DLGAP3: variants seen among roughly 807,000 people sequenced by gnomAD.
DLGAP3 encodes the protein DLG associated protein 3, also known as disks large-associated protein 3.
DLGAP3 carries 17 observed loss-of-function variants against 81.2 expected under a neutral mutation model. The ratio of observed to expected loss-of-function variants is 0.21; its 90% confidence interval spans 0.14 to 0.31. DLGAP3 has a LOEUF of 0.31. Ranked by LOEUF, DLGAP3 falls within the 10% of genes least tolerant of loss-of-function variation. The pLI is 1.00. For missense variants in DLGAP3, 1,124 were observed against 1,388.0 expected (o/e 0.81, Z 3.02); for synonymous variants, 577 against 587.4 (o/e 0.98, Z 0.26).
intron 1 of DLGAP3, among the ~76,000 whole-genome samples, chr1:34,925,684 G>A (rs1325418044): frequency 6.6e-6 from 1 of 152,164 alleles, no homozygotes; most frequent in Non-Finnish European, 1.5e-5. Flanking sequence ...AGGAGAGGAT[G>A]AGAAAGAACA....
chr1:34,866,046 A>G lies in DLGAP3; in HGVS notation c.*37T>C. 6.4e-7 allele frequency: 1 copy of G among 1,552,214 alleles called. No individual in the cohort carries two copies. Among genetic ancestry groups the G allele is most frequent in the Non-Finnish European group, 8.7e-7 (1 of 1,148,050 alleles). ...GCTGGGTGTACAGTACGGGTGGAGA[A>G]CCGCGGGCCCGGGCCGGGCTGGGCG... On this transcript the variant is annotated 3_prime_UTR_variant, in exon 12 of 12. Coordinates refer to ENST00000373347, the MANE Select transcript of DLGAP3 (RefSeq NM_001080418.3).
chr1:34,922,539 C>G lies in DLGAP3; in HGVS notation c.-135+6912G>C, dbSNP rs540333104. ...GATAAGCACACCACACACACACACA[C>G]AGACATGCACACATTGGTTTAATTC... On this transcript the variant is annotated intron_variant, in intron 1 of 11. Transcript: ENST00000373347. Among the ~76,000 whole-genome samples, 60 of 152,296 alleles carry G rather than the reference C, an allele frequency of 3.9e-4. 1 individual carries two copies. In the South Asian group the frequency reaches 0.011, roughly 28 times the overall value.
rs754381123 is a variant in DLGAP3, at chr1:34,904,343, G to A, written c.1041C>T (p.Ala347=). The part of the protein sequence containing the change: ...VSQGRDGYPG[A]GPGKGLLGPE... ...GACCCAGGAGCCCCTTGCCTGGCCC[G>A]GCCCCCGGGTATCCATCCCGGCCCT... is the stretch of plus-strand genomic sequence containing the variant. Residue 347 remains alanine (A), a synonymous_variant, in exon 3 of 12, where the codon GCC becomes GCT. Transcript: ENST00000373347. This position sits in a 1 kb window ranked among gnomAD's most constrained non-coding sequence, Gnocchi z 8.1. The A allele has an allele frequency of 1.0e-4, 167 of 1,612,006 alleles. No individual in the cohort carries two copies. The highest frequency in any genetic ancestry group is 1.6e-4 in the Middle Eastern group (1 of 6,084).
At chr1:34,878,034 G>A (rs1050386995) in intron 8 of DLGAP3, among the ~76,000 whole-genome samples, 1 of 152,200 alleles carries the variant, frequency 6.6e-6, no homozygotes, top group East Asian at 1.9e-4. Context: ...GCCAGGCACC[G>A]TGGCTCACTC....
At chr1:34,872,112 T>G (rs1638989623) in intron 8 of DLGAP3, among the ~76,000 whole-genome samples, 1 of 151,546 alleles carries the variant, frequency 6.6e-6, no homozygotes. Context: ...CAGGGGTGGG[T>G]GGAGACGGTG....
At chr1:34,909,743 C>A (rs1405703132) in intron 1 of DLGAP3, among the ~76,000 whole-genome samples, 1 of 152,100 alleles carries the variant, frequency 6.6e-6, no homozygotes, top group East Asian at 1.9e-4. Flanking sequence ...CACTCCATTA[C>A]TAAACAAAAT....
chr1:34,887,359 G>T (rs1220628408), intron 5 of DLGAP3, among the ~76,000 whole-genome samples: 1 of 151,768 alleles, frequency 6.6e-6, no homozygotes, highest in Non-Finnish European at 1.5e-5. Context: ...TGCTGGATGA[G>T]GTTCTGGTTT....
rs138454077 is a variant in DLGAP3, at chr1:34,909,702, A to G, written c.-134-2265T>C. ...TTCCTCCTATATATTATGCTTTATG[A>G]TCACATTCCTCCCCCCACATCACCC... On this transcript the variant is annotated intron_variant, in intron 1 of 11. Coordinates refer to ENST00000373347, the MANE Select transcript of DLGAP3 (RefSeq NM_001080418.3). Among the ~76,000 whole-genome samples, 337 of 152,254 alleles carry G rather than the reference A, an allele frequency of 2.2e-3. 4 individuals carry two copies. The highest frequency in any genetic ancestry group is 0.017 in the Middle Eastern group (5 of 294).
rs1557447738 is a variant in DLGAP3 at position 34,866,167 on chromosome 1, G to A, written c.2856C>T (p.Arg952=). The A allele has an allele frequency of 4.4e-6, 7 of 1,595,738 alleles. No homozygotes were observed. Among genetic ancestry groups the A allele is most frequent in the Non-Finnish European group, 5.9e-6 (7 of 1,177,806 alleles). Residue 952 remains arginine (R), a synonymous_variant, in exon 12 of 12, where the codon CGC becomes CGT. Coordinates refer to ENST00000373347, the MANE Select transcript of DLGAP3 (RefSeq NM_001080418.3). ...EARKRLLAAK[R]AASFRHSSAT... ...CCGAGCTGTGGCGGAAGGAAGCGGC[G>A]CGCTTGGCCGCCAGGAGCCGCTTGC...
At chr1:34,887,017 C>T (rs1379912340) in intron 5 of DLGAP3, among the ~76,000 whole-genome samples, 8 of 136,958 alleles carry the variant, frequency 5.8e-5, no homozygotes, top group East Asian at 2.2e-4. Flanking sequence ...TGCAGTGGCG[C>T]GATCTCGGCT....
intron 5 of DLGAP3, among the ~76,000 whole-genome samples, chr1:34,887,768 G>T (rs1639256691): frequency 6.6e-6 from 1 of 152,230 alleles, no homozygotes; most frequent in Non-Finnish European, 1.5e-5. Context: ...TAGCAGAATG[G>T]CCTGGGAAAG....
At chr1:34,887,096 A>G (rs902077539) in intron 5 of DLGAP3, among the ~76,000 whole-genome samples, 7 of 151,766 alleles carry the variant, frequency 4.6e-5, no homozygotes, top group Admixed American at 3.9e-4. Context: ...CTGGGACTAC[A>G]GGTGCCTGCC....
chr1:34,887,250 C>T (rs1045397736), intron 5 of DLGAP3, among the ~76,000 whole-genome samples: 2 of 151,988 alleles, frequency 1.3e-5, no homozygotes, highest in African/African-American at 2.4e-5. Flanking sequence ...CCACCGCACC[C>T]GGCCCTTGCC....
chr1:34,875,591 C>T (rs774452990), intron 8 of DLGAP3, among the ~76,000 whole-genome samples: 3 of 152,114 alleles, frequency 2.0e-5, no homozygotes, highest in Non-Finnish European at 4.4e-5. Flanking sequence ...GTGGAAGATA[C>T]AGGCAGATCC....
intron 5 of DLGAP3, among the ~76,000 whole-genome samples, chr1:34,899,383 A>C (rs963836783): frequency 6.6e-6 from 1 of 152,112 alleles, no homozygotes; most frequent in Non-Finnish European, 1.5e-5. Flanking sequence ...TACCTTTTAC[A>C]TGGGGGCAAG....
intron 5 of DLGAP3, among the ~76,000 whole-genome samples, chr1:34,897,549 C>T (rs1419890708): frequency 6.6e-6 from 1 of 152,074 alleles, no homozygotes; most frequent in African/African-American, 2.4e-5. Flanking sequence ...TCAGAGGCAG[C>T]TCCACTCCAG....
chr1:34,905,029 G>A lies in DLGAP3; in HGVS notation c.355C>T (p.Pro119Ser). 6.2e-7 allele frequency: 1 copy of A among 1,607,958 alleles called. No individual in the cohort carries two copies. The highest frequency in any genetic ancestry group is 8.5e-7 in the Non-Finnish European group (1 of 1,177,214). ...TTTTCAAACTGATCCAGGAGTGTAG[G>A]AGGCAGGCGGGGGGCACCCTTGCCC... ...PQGKGAPRLP[P>S]TLLDQFEKQL... Residue 119 changes from proline to serine, a missense_variant, in exon 3 of 12, where the codon CCT becomes TCT. Physicochemically the swap from Pro to Ser is moderately conservative, Grantham distance 74. Transcript: ENST00000373347.
chr1:34,909,043 A>G (rs1413463256), intron 1 of DLGAP3, among the ~76,000 whole-genome samples: 1 of 152,222 alleles, frequency 6.6e-6, no homozygotes, highest in African/African-American at 2.4e-5. Flanking sequence ...GGCAGGACCC[A>G]TATCTGAGAC....
chr1:34,914,969 C>A (rs77671667), intron 1 of DLGAP3, among the ~76,000 whole-genome samples: 1,788 of 152,262 alleles, frequency 0.012, 43 homozygotes, highest in African/African-American at 0.041. Context: ...GATGGTGGCA[C>A]CTGAGAGGAC....
Sources: allele counts gnomAD v4.1 joint callset (sites outside exome capture counted in the v4.1 genomes callset), GRCh38; gene constraint gnomAD v4.1.1; non-coding constraint Gnocchi (gnomAD v3.1); transcripts MANE v1.5; gene names NCBI Gene and HGNC (gene_info 2026-07-23, HGNC 2026-07-21).